Variants in ZNF273 observed in about 807,000 individuals in gnomAD.
The protein encoded by ZNF273 is zinc finger protein 9.
A neutral mutation model predicts 14.9 loss-of-function variants in ZNF273; 11 were observed. The observed-to-expected ratio is 0.74, with a 90% CI of 0.46 to 1.22. The LOEUF (loss-of-function observed/expected upper bound fraction) is 1.22, where lower values mean the gene tolerates loss of function less well. Ranked by LOEUF, ZNF273 falls within the 50% of genes most tolerant of loss-of-function variation. ZNF273 has a pLI of 0.00. For missense variants in ZNF273, 577 were observed against 660.6 expected, an observed-to-expected ratio of 0.87 and a Z score of 1.39; for synonymous variants, 199 against 223.9, an observed-to-expected ratio of 0.89 and a Z score of 0.99.
chr7:64,910,860 G>A (rs1208177000), intron 1 of ZNF273, among the ~76,000 whole-genome samples: 4 of 150,772 alleles, frequency 2.7e-5, no homozygotes, highest in Admixed American at 6.6e-5. Context: ...CCGCCTCCTA[G>A]GTTCAAACAA....
At chr7:64,895,778 G>A (rs1045598174) in intron 3 of ZNF273, among the ~76,000 whole-genome samples, 4 of 152,114 alleles carry the variant, frequency 2.6e-5, no homozygotes, top group Non-Finnish European at 4.4e-5. Flanking sequence ...TCTAAAAGTG[G>A]TATATCAAGA....
upstream of ZNF273, among the ~76,000 whole-genome samples, chr7:64,902,823 C>G (rs994974967): frequency 2.6e-5 from 4 of 152,106 alleles, no homozygotes; most frequent in African/African-American, 7.2e-5. Context: ...TCCTGATTAG[C>G]CTGGGAAAAG....
At chr7:64,923,235 A>T (rs192620780) in intron 3 of ZNF273, 4 of 418,090 alleles carry the variant, frequency 9.6e-6, no homozygotes, top group Non-Finnish European at 1.9e-5. Context: ...ATTTTGCATA[A>T]TGTCATCAAG....
At chr7:64,898,848 T>C (rs1792516324), upstream of ZNF273, among the ~76,000 whole-genome samples, 1 of 152,236 alleles carries the variant, frequency 6.6e-6, no homozygotes, top group South Asian at 2.1e-4. Flanking sequence ...GGGCTGTCAT[T>C]TGCATGGCTA....
chr7:64,907,865 A>G (rs1402491400), intron 1 of ZNF273, among the ~76,000 whole-genome samples: 8 of 152,062 alleles, frequency 5.3e-5, no homozygotes, highest in Non-Finnish European at 8.8e-5. Flanking sequence ...GACAACTTAG[A>G]GGAAATGAGC....
intron 1 of ZNF273, among the ~76,000 whole-genome samples, chr7:64,915,892 T>TA (rs958182788): frequency 9.9e-5 from 15 of 152,282 alleles, no homozygotes; most frequent in African/African-American, 2.9e-4. Flanking sequence ...CAAAAAGTTC[T>TA]AAAAAATAAT....
At chr7:64,920,311 CTTT>C (rs909631531) in intron 3 of ZNF273, among the ~76,000 whole-genome samples, 3 of 152,018 alleles carry the variant, frequency 2.0e-5, no homozygotes, top group African/African-American at 7.3e-5. Context: ...TATGGTGGGC[CTTT>C]TATTAGGATA....
chr7:64,932,585 C>G (rs1053290483), downstream of ZNF273, among the ~76,000 whole-genome samples: 4 of 152,080 alleles, frequency 2.6e-5, no homozygotes, highest in Admixed American at 2.0e-4. Flanking sequence ...ATTACAGGCG[C>G]GAGCCACTGC....
intron 1 of ZNF273, among the ~76,000 whole-genome samples, chr7:64,916,497 AT>A (rs1010911328): frequency 8.7e-5 from 13 of 149,298 alleles, no homozygotes; most frequent in Admixed American, 8.7e-4. Flanking sequence ...CTGAGCCGAG[AT>A]CACACCATTG....
chr7:64,880,249 A>AG (rs1791209572), downstream of ZNF273: 4 of 152,254 alleles, frequency 2.6e-5, no homozygotes. Context: ...GGTAAGGCCA[A>AG]GGGATACATC....
At chr7:64,936,887 A>C in the ZNF273 span, among the ~76,000 whole-genome samples, 1 of 152,244 alleles carries the variant, frequency 6.6e-6, no homozygotes, top group Non-Finnish European at 1.5e-5. Flanking sequence ...ATTGAAATAG[A>C]GAAGAAAGGT....
intron 1 of ZNF273, among the ~76,000 whole-genome samples, chr7:64,885,129 C>T (rs7797427): frequency 0.92 from 139,859 of 152,280 alleles, 64,413 homozygotes; most frequent in South Asian, 0.98. Context: ...TTTGTGGACA[C>T]GTGTCGGCGT....
At chr7:64,917,215 T>A in intron 1 of ZNF273, 2 of 721,812 alleles carry the variant, frequency 2.8e-6, no homozygotes, top group Non-Finnish European at 3.9e-6. Context: ...CTGTACACAT[T>A]AAAATTTTAA....
At chr7:64,903,462 T>A in intron 1 of ZNF273, 43 bp downstream of exon 1, 2 of 1,550,684 alleles carry the variant, frequency 1.3e-6, no homozygotes. Context: ...GGGGAGGGCC[T>A]GGTTGGAACT....
At chr7:64,932,244 T>A (rs907798255), downstream of ZNF273, among the ~76,000 whole-genome samples, 2 of 151,842 alleles carry the variant, frequency 1.3e-5, no homozygotes, top group South Asian at 2.1e-4. Flanking sequence ...AAAAAATATC[T>A]TACTAGATTC....
downstream of ZNF273, chr7:64,933,529 C>G (rs1795033191): frequency 6.6e-6 from 1 of 152,210 alleles, no homozygotes; most frequent in Admixed American, 6.5e-5. Context: ...GTACCAGAAA[C>G]TCCAGGTACC....
At position 64,928,349 on chromosome 7, in the gene ZNF273, A is replaced by G. The variant is rs150846205; in HGVS notation, c.1021A>G (p.Thr341Ala). 6.2e-6 allele frequency: 10 copies of G among 1,613,792 alleles called. No individual in the cohort carries two copies. In the East Asian group the frequency reaches 2.2e-4, roughly 36 times the overall value. Residue 341 changes from threonine to alanine, a missense_variant, in exon 4 of 4, where the codon ACT becomes GCT. This residue lies in a region of ZNF273 where 411 missense variants were observed against 440.4 expected (regional missense o/e 0.93). Transcript: ENST00000476120. The stretch of plus-strand genomic sequence containing the variant: ...CCTTACTAAACATAAGATAATTCAT[A>G]CTGGAGAGAAACCCTACAAATGCAA... Reference protein sequence around the residue: ...STLTKHKIIHTGEKPYKCNEC... With the variant: ...STLTKHKIIHAGEKPYKCNEC...
intron 1 of ZNF273, among the ~76,000 whole-genome samples, chr7:64,884,960 C>T (rs769000951): frequency 6.6e-6 from 1 of 152,210 alleles, no homozygotes; most frequent in Non-Finnish European, 1.5e-5. Flanking sequence ...AGGCTGACAG[C>T]CCTGACAGCC....
rs1476201156 is a variant in ZNF273 at position 64,918,246 on chromosome 7, A to G, written c.279A>G (p.Lys93=). Residue 93 remains lysine (K), a synonymous_variant, in exon 3 of 4, where the codon AAA becomes AAG. Transcript: ENST00000476120. ...TGATCACTTGTCTGGAGCAAGGAAAAGAGCCCTGCAATATGAAGAGACATG... is the reference window on the plus strand; with the variant it reads ...TGATCACTTGTCTGGAGCAAGGAAAGGAGCCCTGCAATATGAAGAGACATG... The part of the protein sequence containing the change: ...PDLITCLEQG[K]EPCNMKRHAM... 1 of 1,571,190 alleles carries G rather than the reference A, an allele frequency of 6.4e-7. No individual in the cohort carries two copies. The highest frequency in any genetic ancestry group is 8.7e-7 in the Non-Finnish European group (1 of 1,154,946).
Sources: gnomAD v4.1 joint callset for allele counts (sites outside exome capture counted in the v4.1 genomes callset) on GRCh38, gnomAD v4.1.1 for gene constraint, gnomAD v4.1.1 regional missense constraint, MANE v1.5 for transcripts, NCBI Gene and HGNC (gene_info 2026-07-23, HGNC 2026-07-21) for gene names.